Variants in SLC35B1 observed in about 807,000 individuals in gnomAD.
SLC35B1 encodes solute carrier family 35 member B1.
A neutral mutation model predicts 36.6 loss-of-function variants in SLC35B1; 27 were observed. The ratio of observed to expected loss-of-function variants is 0.74; its 90% CI spans 0.54 to 1.02. The LOEUF (loss-of-function observed/expected upper bound fraction) is 1.02, where lower values mean the gene tolerates loss of function less well. Among genes scored for constraint, SLC35B1 ranks in the 50% least tolerant of loss-of-function variants. The pLI is 0.00. For missense variants in SLC35B1, 321 were observed against 383.2 expected, an observed-to-expected ratio of 0.84 and a Z score of 1.35; for synonymous variants, 162 against 152.5, an observed-to-expected ratio of 1.06 and a Z score of -0.46.
At position 49,703,461 on chromosome 17, in the gene SLC35B1, C is replaced by T. The variant is rs189902465; in HGVS notation, c.656-167G>A. 4 of 575,178 alleles carry T rather than the reference C, an allele frequency of 7.0e-6. No homozygotes were observed. In the African/African-American group the frequency reaches 7.5e-5, roughly 11 times the overall value. The allele number at this position is 575,178 out of a possible 1,614,324, so 35.6% of individuals were successfully genotyped here. On this transcript the variant is annotated intron_variant, in intron 6 of 8. Coordinates refer to ENST00000240333, the MANE Select transcript of SLC35B1 (RefSeq NM_005827.4). ...ATGGTGTGGGTTTGCATCGTCTCAT[C>T]ATTGATTCTTCTCATATTTTTCTCT...
intron 1 of SLC35B1, 102 bp downstream of exon 1, chr17:49,707,628 G>A: frequency 1.4e-6 from 2 of 1,461,750 alleles, no homozygotes; most frequent in African/African-American, 1.4e-5. Flanking sequence ...GGCGACAGCC[G>A]GGCAGGAGGA....
At position 49,702,908 on chromosome 17, in the gene SLC35B1, G is replaced by A; in HGVS notation, c.866C>T (p.Ala289Val). ...CCACTGCATGGGGCTGATGGGATTG[G>A]CGAAGAGGATCACAGAGGCCAAAAT... ...FTILASVILF[A>V]NPISPMQWVG... is the part of the protein sequence containing the mutation. Residue 289 changes from alanine (A) to valine (V), a missense_variant, in exon 8 of 9, where the codon GCC becomes GTC. Physicochemically the swap from Ala to Val is moderately conservative, Grantham distance 64. Transcript: ENST00000240333. The A allele has an allele frequency of 6.2e-7, 1 of 1,614,134 alleles. No homozygotes were observed. Among genetic ancestry groups the A allele is most frequent in the East Asian group, 2.2e-5 (1 of 44,884 alleles).
At chr17:49,708,100 G>C (rs1470112139), upstream of SLC35B1, 1 of 731,240 alleles carries the variant, frequency 1.4e-6, no homozygotes, top group Non-Finnish European at 2.4e-6. Flanking sequence ...TGAGGGCCAG[G>C]GGAACCGGCA....
At position 49,701,428 on chromosome 17, in the gene SLC35B1, A is replaced by C; in HGVS notation, c.*30T>G. On this transcript the variant is annotated 3_prime_UTR_variant, in exon 9 of 9. Coordinates refer to ENST00000240333, the MANE Select transcript of SLC35B1 (RefSeq NM_005827.4). ...CACTGTTTGAGATAATAACTTAAAT[A>C]TTCTTGATGTGGAGGTAGTCTCTCT... 6.4e-7 allele frequency: 1 copy of C among 1,571,704 alleles called. No individual in the cohort carries two copies.
intron 5 of SLC35B1, 144 bp downstream of exon 5, chr17:49,704,980 G>C (rs557002893): frequency 3.3e-4 from 235 of 723,072 alleles, no homozygotes; most frequent in Non-Finnish European, 4.6e-4. Context: ...AATAGAGTCA[G>C]GGGCCTGCAG....
At position 49,704,100 on chromosome 17, in the gene SLC35B1, C is replaced by T; in HGVS notation, c.655G>A (p.Gly219Arg). ...GAAGAACAGCAGAACTGGCTCTCAC[C>T]CATTCCCAGCAGCAATGTCGACCAA... ...NLWSTLLLGM[G>R]ILFTGELWEF... Residue 219 changes from glycine to arginine, a missense_variant and splice_region_variant, in exon 6 of 9, where the codon GGA (glycine) becomes AGA (arginine). Physicochemically the swap from Gly to Arg is moderately radical, Grantham distance 125. Transcript: ENST00000240333. 1 of 1,614,074 alleles carries T rather than the reference C, an allele frequency of 6.2e-7. No individual in the cohort carries two copies. Among genetic ancestry groups the T allele is most frequent in the Non-Finnish European group, 8.5e-7 (1 of 1,179,958 alleles).
rs553343742 is a variant in SLC35B1, at chr17:49,704,370, G to A, written c.529-144C>T. 7.6e-5 allele frequency: 79 copies of A among 1,034,952 alleles called. 1 individual carries two copies. In the African/African-American group the frequency reaches 1.1e-3, roughly 15 times the overall value. 64.1% of individuals were successfully genotyped at this position (1,034,952 alleles called of 1,614,324 possible). ...ACAAAACGTTGCCATTTGGTCACAG[G>A]TGGAAGGTGGGGAGAGACCATGCTC... On this transcript the variant is annotated intron_variant, in intron 5 of 8. Coordinates refer to ENST00000240333, the MANE Select transcript of SLC35B1 (RefSeq NM_005827.4).
intron 5 of SLC35B1, 200 bp downstream of exon 5, chr17:49,704,924 A>G (rs1343588307): frequency 2.0e-6 from 1 of 503,010 alleles, no homozygotes; most frequent in Non-Finnish European, 3.5e-6. Flanking sequence ...CTCCAGAATG[A>G]GAGCTGAGTT....
At position 49,702,963 on chromosome 17, in the gene SLC35B1, T is replaced by C. The variant is rs751882003; in HGVS notation, c.811A>G (p.Ile271Val). Residue 271 changes from isoleucine (I) to valine (V), a missense_variant, in exon 8 of 9, where the codon ATC becomes GTC. By Grantham distance (29) the Ile-to-Val change is conservative. Transcript: ENST00000240333. ...VVYFGPLTCS[I>V]ITTTRKFFTI... ...AAGAACTTTCGAGTTGTAGTGATGA[T>C]GGAGCAGGTCAGGGGACCAAAATAC... The C allele has an allele frequency of 1.9e-6, 3 of 1,614,030 alleles. No individual in the cohort carries two copies. The highest frequency in any genetic ancestry group is 3.3e-5 in the Admixed American group (2 of 60,004).
chr17:49,704,625 C>T (rs2073393766), intron 5 of SLC35B1, among the ~76,000 whole-genome samples: 1 of 152,172 alleles, frequency 6.6e-6, no homozygotes, highest in Admixed American at 6.5e-5. Context: ...TTCAAATAGC[C>T]AAGTGACCAT....
chr17:49,708,021 GA>G (rs2073444740), upstream of SLC35B1: 16 of 1,300,170 alleles, frequency 1.2e-5, no homozygotes, highest in Non-Finnish European at 1.6e-5. Flanking sequence ...TGCCAAGGGG[GA>G]AACTCCTCAG....
intron 5 of SLC35B1, 97 bp downstream of exon 5, chr17:49,705,027 T>C: frequency 6.5e-6 from 8 of 1,237,664 alleles, no homozygotes; most frequent in Admixed American, 2.0e-5. Context: ...CACCACAACC[T>C]CCCTTGACAC....
chr17:49,702,913 G>A lies in SLC35B1; in HGVS notation c.861C>T (p.Leu287=), dbSNP rs776399912. The A allele has an allele frequency of 1.2e-6, 2 of 1,614,150 alleles. No individual in the cohort carries two copies. The highest frequency in any genetic ancestry group is 1.1e-5 in the South Asian group (1 of 91,076). Residue 287 remains leucine, a synonymous_variant, in exon 8 of 9, where the codon CTC becomes CTT. Coordinates refer to ENST00000240333, the MANE Select transcript of SLC35B1 (RefSeq NM_005827.4). The stretch of plus-strand genomic sequence containing the variant: ...GCATGGGGCTGATGGGATTGGCGAA[G>A]AGGATCACAGAGGCCAAAATTGTGA... The part of the protein sequence containing the change: ...KFFTILASVI[L]FANPISPMQW...
In SLC35B1 at chr17:49,707,738, C is replaced by A. The variant is rs766499258; in HGVS notation, c.96G>T (p.Gln32His). ...FVCYFYYGIL[Q>H]EKITRGKYGE... The stretch of plus-strand genomic sequence containing the variant: ...CCCCCGGGGTCGCTCACATCTTTTC[C>A]TGCAGGATCCCATAGTAAAAATAGC... The change falls in exon 1 of 9, where the codon CAG becomes CAT. Residue 32 changes from glutamine (Q) to histidine (H), a missense_variant. Gln to His is a conservative substitution (Grantham distance 24, BLOSUM62 0). Coordinates refer to ENST00000240333, the MANE Select transcript of SLC35B1 (RefSeq NM_005827.4). 2.3e-5 allele frequency: 37 copies of A among 1,611,964 alleles called. No homozygotes were observed. In the Middle Eastern group the frequency reaches 6.7e-4, roughly 29 times the overall value.
chr17:49,701,929 A>C, intron 8 of SLC35B1: 1 of 369,070 alleles, frequency 2.7e-6, no homozygotes, highest in Non-Finnish European at 5.5e-6. Context: ...ATCGCTACAA[A>C]AAAAAAAAAA....
rs2073371514 is a variant in SLC35B1, at chr17:49,703,070, G to C, written c.763-59C>G. 6 of 1,606,172 alleles carry C rather than the reference G, an allele frequency of 3.7e-6. No individual in the cohort carries two copies. In the East Asian group the frequency reaches 1.3e-4, roughly 36 times the overall value. ...TCTGGGTATCTGCCATTGGTCTAAAGTCTATAAACAGACCTCAGGGCTAAT... is the reference window on the plus strand; with the variant it reads ...TCTGGGTATCTGCCATTGGTCTAAACTCTATAAACAGACCTCAGGGCTAAT... On this transcript the variant is annotated intron_variant, in intron 7 of 8. Coordinates refer to ENST00000240333, the MANE Select transcript of SLC35B1 (RefSeq NM_005827.4).
intron 1 of SLC35B1, 112 bp from the exon 2 acceptor site, chr17:49,707,180 T>C: frequency 3.0e-6 from 4 of 1,319,218 alleles, no homozygotes; most frequent in East Asian, 2.5e-5. Flanking sequence ...TCTCTGGATG[T>C]AGGCAGAGTT....
chr17:49,707,162 A>C, intron 1 of SLC35B1, 94 bp from the exon 2 acceptor site: 1 of 1,380,552 alleles, frequency 7.2e-7, no homozygotes. Flanking sequence ...CTTTAAAATT[A>C]TCTTGCCTCT....
rs80203972 is a variant in SLC35B1 at position 49,702,933 on chromosome 17, T to C, written c.841A>G (p.Ile281Val). ...IITTTRKFFT[I>V]LASVILFANP... is the part of the protein sequence containing the mutation. ...GCGAAGAGGATCACAGAGGCCAAAA[T>C]TGTGAAGAACTTTCGAGTTGTAGTG... Residue 281 changes from isoleucine (I) to valine (V), a missense_variant, in exon 8 of 9, where the codon ATT becomes GTT. Ile to Val is a conservative substitution (Grantham distance 29). Coordinates refer to ENST00000240333, the MANE Select transcript of SLC35B1 (RefSeq NM_005827.4). 125 of 1,613,926 alleles carry C rather than the reference T, an allele frequency of 7.7e-5. No homozygotes were observed. In the African/African-American group the frequency reaches 1.2e-3, roughly 15 times the overall value.
Sources: gnomAD v4.1 joint callset for allele counts (sites outside exome capture counted in the v4.1 genomes callset) on GRCh38, gnomAD v4.1.1 for gene constraint, MANE v1.5 for transcripts, NCBI Gene and HGNC (gene_info 2026-07-23, HGNC 2026-07-21) for gene names.